The following MCM3AP variants were observed in gnomAD, a reference collection of about 807,000 sequenced individuals.
MCM3AP encodes the protein germinal-center associated nuclear protein.
Under a neutral mutation model 184.1 loss-of-function variants are expected in MCM3AP, and 126 were observed. That is an observed-to-expected ratio of 0.68 (90% CI 0.59 to 0.79). The LOEUF (loss-of-function observed/expected upper bound fraction) is 0.79, where lower values mean the gene tolerates loss of function less well. MCM3AP is among the 30% of genes least tolerant of loss of function. The pLI is 0.00. For synonymous variants in MCM3AP, 1,002 were observed against 979.3 expected (o/e 1.02, Z -0.43); for missense variants, 2,496 against 2,479.2 (o/e 1.01, Z -0.14).
chr21:46,242,841 C>T lies in MCM3AP; in HGVS notation c.5387G>A (p.Arg1796Lys), dbSNP rs1279294873. The change falls in exon 25 of 28, where the codon AGG (arginine) becomes AAG (lysine). Residue 1796 changes from arginine to lysine, a missense_variant. Transcript: ENST00000291688. ...YDVPLSWEQA[R>K]LQTQKELQLR... Reference sequence around the variant, plus strand: ...CTGTAGCTCCTTCTGCGTCTGCAACCTGGCTTGTTCCCACGACAAAGGAAC... The same window carrying T: ...CTGTAGCTCCTTCTGCGTCTGCAACTTGGCTTGTTCCCACGACAAAGGAAC... The T allele has an allele frequency of 6.2e-7, 1 of 1,613,474 alleles. No individual in the cohort carries two copies. The highest frequency in any genetic ancestry group is 8.5e-7 in the Non-Finnish European group (1 of 1,179,676).
chr21:46,281,108 T>C (rs1461415465), intron 2 of MCM3AP, among the ~76,000 whole-genome samples: 1 of 151,930 alleles, frequency 6.6e-6, no homozygotes, highest in African/African-American at 2.4e-5. Context: ...GCCCGGCCCC[T>C]TTTTTTTAAT....
chr21:46,262,942 T>C (rs1175247496), intron 13 of MCM3AP, among the ~76,000 whole-genome samples: 2 of 112,688 alleles, frequency 1.8e-5, no homozygotes, highest in Non-Finnish European at 3.3e-5. Context: ...CACTCCAGCC[T>C]GGGCGACAGG....
chr21:46,242,275 T>C (rs1258526201), intron 25 of MCM3AP: 1 of 152,628 alleles, frequency 6.6e-6, no homozygotes, highest in Non-Finnish European at 1.5e-5. Flanking sequence ...CATGTTTTTT[T>C]TCTATTTTGG....
intron 20 of MCM3AP, 150 bp from the exon 21 acceptor site, chr21:46,247,036 CCCTGTAGTTATCTTACTT>C (rs1341882857): frequency 1.0e-5 from 7 of 675,400 alleles, no homozygotes; most frequent in Non-Finnish European, 1.8e-5. Flanking sequence ...GCTGGGCATA[CCCTGTAGTTATCTTACTT>C]CCTGTAGTTA....
In MCM3AP at chr21:46,283,977, A is replaced by C; in HGVS notation, c.1219+91T>G. 3.2e-6 allele frequency: 5 copies of C among 1,544,114 alleles called. No homozygotes were observed. The South Asian group carries it at 6.4e-5, about 20-fold the overall frequency. On this transcript the variant is annotated intron_variant, in intron 1 of 27. Coordinates refer to ENST00000291688, the MANE Select transcript of MCM3AP (RefSeq NM_003906.5). Reference sequence around the variant, plus strand: ...TTAGAATCCCTAATGTTTATGGGAGATTTATCTGAAAAATCAAGCTAACAC... The same window carrying C: ...TTAGAATCCCTAATGTTTATGGGAGCTTTATCTGAAAAATCAAGCTAACAC...
chr21:46,279,215 G>A (rs2081294312), intron 4 of MCM3AP, among the ~76,000 whole-genome samples: 1 of 151,946 alleles, frequency 6.6e-6, no homozygotes, highest in Non-Finnish European at 1.5e-5. Context: ...TTGAACCCAG[G>A]AGGCAGAGGT....
chr21:46,285,025 C>A lies in MCM3AP; in HGVS notation c.262G>T (p.Glu88Ter), dbSNP rs183952113. 4.3e-6 allele frequency: 7 copies of A among 1,614,178 alleles called. No homozygotes were observed. ...GTAGCCACAAAGGTGGAAGTGTGCT[C>A]AAGTCCAGAAAAGGGTCCAACACTT... ...TSSVGPFSGL[E>*]HTSTFVATSG... is the part of the protein sequence containing the mutation. Residue 88 changes from glutamate (E) to a stop codon, truncating the protein, a stop_gained, in exon 1 of 28, where the codon GAG (glutamate) becomes TAG (stop). Transcript: ENST00000291688. LOFTEE classifies it high-confidence loss of function.
intron 5 of MCM3AP, among the ~76,000 whole-genome samples, chr21:46,276,283 A>G (rs2081253879): frequency 7.2e-6 from 1 of 139,320 alleles, no homozygotes; most frequent in African/African-American, 2.6e-5. Context: ...AAAAAGAAAA[A>G]TTCTAATACC....
At chr21:46,272,443 C>A in intron 8 of MCM3AP, 118 bp downstream of exon 8, 1 of 1,091,530 alleles carries the variant, frequency 9.2e-7, no homozygotes, top group Non-Finnish European at 1.3e-6. Context: ...ATCATCCCAA[C>A]ATCTGCTACC....
chr21:46,269,217 G>A (rs17182781), intron 9 of MCM3AP, among the ~76,000 whole-genome samples: 83 of 151,912 alleles, frequency 5.5e-4, no homozygotes, highest in Admixed American at 1.0e-3. Flanking sequence ...GGGCTCAAGC[G>A]ATCCTCCCAC....
At chr21:46,235,470 A>G (rs2080504930) in intron 27 of MCM3AP, 44 bp from the exon 28 acceptor site, 1 of 1,544,170 alleles carries the variant, frequency 6.5e-7, no homozygotes, top group South Asian at 1.1e-5. Flanking sequence ...GGATGTCAAT[A>G]AACCACGACC....
intron 9 of MCM3AP, among the ~76,000 whole-genome samples, chr21:46,269,599 C>T (rs2081155852): frequency 6.6e-6 from 1 of 152,184 alleles, no homozygotes; most frequent in African/African-American, 2.4e-5. Context: ...AAAGAAATGA[C>T]CTGGAGCCAC....
Position 46,280,041 on chromosome 21 carries a change from AGAGGAGAGTGCT to A in MCM3AP, c.1607_1618del (p.Gln536_Pro539del), listed in dbSNP as rs2081311370. The A allele has an allele frequency of 6.2e-7, 1 of 1,614,048 alleles. No homozygotes were observed. The highest frequency in any genetic ancestry group is 8.5e-7 in the Non-Finnish European group (1 of 1,180,018). On this transcript the variant is annotated inframe_deletion, in exon 4 of 28. Coordinates refer to ENST00000291688, the MANE Select transcript of MCM3AP (RefSeq NM_003906.5). Reference sequence around the variant, plus strand: ...ACCAGTCCTCCCTGCGGCCTTGCCAAGAGGAGAGTGCTGAAAGGGTGCATCCTCTGTGCTCGG... The same window carrying A: ...ACCAGTCCTCCCTGCGGCCTTGCCAAGAAAGGGTGCATCCTCTGTGCTCGG...
chr21:46,254,270 A>T, intron 19 of MCM3AP, 122 bp downstream of exon 19: 1 of 1,036,296 alleles, frequency 9.6e-7, no homozygotes, highest in Non-Finnish European at 1.4e-6. Flanking sequence ...TCCAAGCATT[A>T]AAACATAAAC....
rs17176702 is a variant in MCM3AP, at chr21:46,254,958, C to T, written c.3933-114G>A. The T allele has an allele frequency of 3.2e-4, 243 of 756,188 alleles. No homozygotes were observed. In the East Asian group the frequency reaches 5.8e-3, roughly 18 times the overall value. The allele number at this position is 756,188 out of a possible 1,614,324, so 46.8% of individuals were successfully genotyped here. A position where few individuals can be genotyped will look rare whatever the true frequency, so the allele number is the denominator to read the frequency against. ...AAAAACACATTTTCTGCCAATGAAA[C>T]GGGTTAGAGGATTCCTTCATTCCAC... is the stretch of plus-strand genomic sequence containing the variant. On this transcript the variant is annotated intron_variant, in intron 17 of 27. Transcript: ENST00000291688.
At chr21:46,235,481 T>C in intron 27 of MCM3AP, 55 bp from the exon 28 acceptor site, 2 of 1,473,664 alleles carry the variant, frequency 1.4e-6, no homozygotes, top group Non-Finnish European at 1.9e-6. Flanking sequence ...AACCACGACC[T>C]ATCTCTGGGA....
At chr21:46,259,691 T>C (rs1214676036) in intron 15 of MCM3AP, among the ~76,000 whole-genome samples, 1 of 151,726 alleles carries the variant, frequency 6.6e-6, no homozygotes, top group African/African-American at 2.4e-5. Context: ...GGCAGGCGGA[T>C]CACGAGGTCA....
At chr21:46,236,331 G>T (rs1224299599) in intron 27 of MCM3AP, 1 of 151,602 alleles carries the variant, frequency 6.6e-6, no homozygotes, top group African/African-American at 2.4e-5. Context: ...AGAATGGTAA[G>T]GTAAAAAGAC....
chr21:46,270,631 A>G (rs2145690345), intron 8 of MCM3AP, 68 bp from the exon 9 acceptor site: 1 of 1,324,398 alleles, frequency 7.6e-7, no homozygotes, highest in Non-Finnish European at 1.0e-6. Context: ...TCATGAAGAT[A>G]GATCTGATAA....
Sources: allele counts gnomAD v4.1 joint callset (sites outside exome capture counted in the v4.1 genomes callset), GRCh38; gene constraint gnomAD v4.1.1; transcripts MANE v1.5; gene names NCBI Gene and HGNC (gene_info 2026-07-23, HGNC 2026-07-21).